SLC24A5: variants seen among roughly 807,000 people sequenced by gnomAD.
SLC24A5 encodes solute carrier family 24 member 5.
Under a neutral mutation model 51.6 loss-of-function variants are expected in SLC24A5, and 46 were observed. That is an observed-to-expected ratio of 0.89 (90% confidence interval 0.70 to 1.14). SLC24A5 has a LOEUF of 1.14. SLC24A5 is among the 50% of genes most tolerant of loss of function. SLC24A5 has a pLI of 0.00. For missense variants in SLC24A5, 581 were observed against 604.1 expected, an observed-to-expected ratio of 0.96 and a Z score of 0.40; for synonymous variants, 230 against 214.9, an observed-to-expected ratio of 1.07 and a Z score of -0.62.
At chr15:48,122,785 G>A (rs911360646) in intron 2 of SLC24A5, 49 of 152,206 alleles carry the variant, frequency 3.2e-4, no homozygotes, top group African/African-American at 1.2e-3. Context: ...TGCCATATGA[G>A]CAAAAGTGTG....
intron 2 of SLC24A5, among the ~76,000 whole-genome samples, chr15:48,133,474 G>A (rs1027304773): frequency 3.3e-5 from 5 of 152,082 alleles, no homozygotes; most frequent in African/African-American, 1.2e-4. Context: ...TAAAGTTTAT[G>A]AACTTGCATG....
chr15:48,134,904 G>T lies in SLC24A5; in HGVS notation c.510G>T (p.Trp170Cys). ...TACAGGTCTCAACACTATCATGTTG[G>T]CCCCTATTCAGAGACTGTGCAGCGT... ...LSNTVSTLSC[W>C]PLFRDCAAYT... The change falls in exon 5 of 9, where the codon TGG becomes TGT. Residue 170 changes from tryptophan (W) to cysteine (C), a missense_variant. Transcript: ENST00000341459. 6.8e-6 allele frequency: 11 copies of T among 1,611,506 alleles called. No individual in the cohort carries two copies. Among genetic ancestry groups the T allele is most frequent in the Non-Finnish European group, 8.5e-6 (10 of 1,178,470 alleles).
intron 2 of SLC24A5, chr15:48,123,384 T>C (rs28675264): frequency 2.7e-4 from 41 of 152,126 alleles, no homozygotes; most frequent in Admixed American, 2.7e-3. Context: ...TACCATTTGG[T>C]ATATTTCCTT....
Position 48,128,434 on chromosome 15 carries a change from C to G in SLC24A5, c.302-5824C>G, listed in dbSNP as rs770523565. Among the ~76,000 whole-genome samples, 4 of 152,140 alleles carry G rather than the reference C, an allele frequency of 2.6e-5. No individual in the cohort carries two copies. In the East Asian group the frequency reaches 7.7e-4, roughly 29 times the overall value. On this transcript the variant is annotated intron_variant, in intron 2 of 8. Coordinates refer to ENST00000341459, the MANE Select transcript of SLC24A5 (RefSeq NM_205850.3). Reference sequence around the variant, plus strand: ...TTTTATTTTAAAAAATTTTCACTTACTCTGCTTTGGACTAATATTTGCTTA... The same window carrying G: ...TTTTATTTTAAAAAATTTTCACTTAGTCTGCTTTGGACTAATATTTGCTTA...
rs1373436891 is a variant in SLC24A5 at position 48,130,726 on chromosome 15, G to C, written c.302-3532G>C. Among the ~76,000 whole-genome samples, 3 of 152,022 alleles carry C rather than the reference G, an allele frequency of 2.0e-5. No individual in the cohort carries two copies. In the East Asian group the frequency reaches 5.8e-4, roughly 29 times the overall value. The stretch of plus-strand genomic sequence containing the variant: ...CAGCACTAAATCTATAAATTCTCTA[G>C]AATGTGCCGGAAAACTTCCAAAGTA... On this transcript the variant is annotated intron_variant, in intron 2 of 8. Transcript: ENST00000341459.
chr15:48,122,820 G>T (rs1354047118), intron 2 of SLC24A5: 1 of 152,128 alleles, frequency 6.6e-6, no homozygotes, highest in Non-Finnish European at 1.5e-5. Context: ...CTCATGTTTG[G>T]TTATTTATTT....
Position 48,135,043 on chromosome 15 carries a change from C to G in SLC24A5, c.590+59C>G, listed in dbSNP as rs1439419467. ...GAGATTTTATGAATTTCTGATGGTT[C>G]AGTAATTTTTTTTCAGAAATGTTAT... On this transcript the variant is annotated intron_variant, in intron 5 of 8. Coordinates refer to ENST00000341459, the MANE Select transcript of SLC24A5 (RefSeq NM_205850.3). 2.9e-6 allele frequency: 4 copies of G among 1,362,050 alleles called. No individual in the cohort carries two copies. In the African/African-American group the frequency reaches 4.3e-5, roughly 15 times the overall value. The allele number at this position is 1,362,050 out of a possible 1,614,324, so 84.4% of individuals were successfully genotyped here. A position where few individuals can be genotyped will look rare whatever the true frequency, so the allele number is the denominator to read the frequency against.
chr15:48,134,198 A>T, intron 2 of SLC24A5, 60 bp from the exon 3 acceptor site: 1 of 1,357,892 alleles, frequency 7.4e-7, no homozygotes, highest in Non-Finnish European at 1.0e-6. Context: ...TATTGTGTTT[A>T]GTTGTAAAGA....
chr15:48,122,155 T>C (rs2038686296), intron 2 of SLC24A5, 119 bp downstream of exon 2: 3 of 1,068,090 alleles, frequency 2.8e-6, no homozygotes, highest in Non-Finnish European at 4.3e-6. Context: ...GAGCACCAGC[T>C]TCTTGTTGTG....
chr15:48,129,022 G>A (rs1230289444), intron 2 of SLC24A5, among the ~76,000 whole-genome samples: 1 of 152,062 alleles, frequency 6.6e-6, no homozygotes, highest in Non-Finnish European at 1.5e-5. Flanking sequence ...TAGGTTTGGA[G>A]GTAAAGTGTC....
At chr15:48,122,265 T>A in intron 2 of SLC24A5, 1 of 593,966 alleles carries the variant, frequency 1.7e-6, no homozygotes, top group Non-Finnish European at 3.0e-6. Flanking sequence ...ATTATTTTTC[T>A]GCCTATTTCC....
intron 2 of SLC24A5, among the ~76,000 whole-genome samples, chr15:48,130,312 C>A (rs28665442): frequency 6.6e-6 from 1 of 152,094 alleles, no homozygotes; most frequent in Non-Finnish European, 1.5e-5. Context: ...CAAAGCCAAT[C>A]TATTCTAAAG....
chr15:48,131,330 T>C (rs1169607002), intron 2 of SLC24A5, among the ~76,000 whole-genome samples: 1 of 151,998 alleles, frequency 6.6e-6, no homozygotes, highest in African/African-American at 2.4e-5. Context: ...GGAAAATAAA[T>C]ACTAGGAAAT....
chr15:48,142,530 A>G lies in SLC24A5; in HGVS notation c.*179A>G. ...TCTGAGCCCTTTCTTTTCATGAAAA[A>G]TTACATATTATAAAACAGAAGTTTG... On this transcript the variant is annotated 3_prime_UTR_variant, in exon 9 of 9. Transcript: ENST00000341459. 1 of 525,190 alleles carries G rather than the reference A, an allele frequency of 1.9e-6. No homozygotes were observed. The highest frequency in any genetic ancestry group is 3.2e-5 in the East Asian group (1 of 31,666). 32.5% of individuals were successfully genotyped at this position (525,190 alleles called of 1,614,324 possible). A position where few individuals can be genotyped will look rare whatever the true frequency, so the allele number is the denominator to read the frequency against.
Position 48,136,868 on chromosome 15 carries a change from G to A in SLC24A5, c.776G>A (p.Arg259His), listed in dbSNP as rs923066036. ...GAAGATGAAGGTCAACCATTCATTC[G>A]TCGGCAATCAAGAACTGATAGTGGA... ...GWEDEGQPFI[R>H]RQSRTDSGIF... Residue 259 changes from arginine (R) to histidine (H), a missense_variant, in exon 6 of 9, where the codon CGT (arginine) becomes CAT (histidine). Physicochemically the swap from Arg to His is conservative, Grantham distance 29 (BLOSUM62 0). Transcript: ENST00000341459. The A allele has an allele frequency of 1.1e-5, 17 of 1,613,676 alleles. No individual in the cohort carries two copies. The African/African-American group carries it at 1.5e-4, about 14-fold the overall frequency.
At chr15:48,132,137 A>G (rs1230108652) in intron 2 of SLC24A5, among the ~76,000 whole-genome samples, 1 of 152,140 alleles carries the variant, frequency 6.6e-6, no homozygotes, top group African/African-American at 2.4e-5. Flanking sequence ...CATTCTAGAC[A>G]TGCAGGTCTT....
chr15:48,137,408 G>T (rs2038928302), intron 6 of SLC24A5: 2 of 153,322 alleles, frequency 1.3e-5, no homozygotes, highest in African/African-American at 4.8e-5. Flanking sequence ...AGGAAGGAAG[G>T]AGAGGAAAGG....
At chr15:48,121,757 C>G in intron 1 of SLC24A5, 100 bp from the exon 2 acceptor site, 1 of 1,217,474 alleles carries the variant, frequency 8.2e-7, no homozygotes, top group Non-Finnish European at 1.2e-6. Context: ...AAAATTCCAC[C>G]CGGTTACCCC....
In SLC24A5 at chr15:48,136,930, A is replaced by C. The variant is rs764396166; in HGVS notation, c.838A>C (p.Ile280Leu). 3.1e-6 allele frequency: 5 copies of C among 1,613,310 alleles called. No homozygotes were observed. Among genetic ancestry groups the C allele is most frequent in the South Asian group, 2.2e-5 (2 of 91,030 alleles). ...AGATTCTGGCTACTCTCAGCTCTCT[A>C]TAAGTTTACATGGCCTTAGTCAGGT... is the stretch of plus-strand genomic sequence containing the variant. The part of the protein sequence containing the change: ...YEDSGYSQLS[I>L]SLHGLSQVSE... The change falls in exon 6 of 9, where the codon ATA (isoleucine) becomes CTA (leucine). Residue 280 changes from isoleucine (I) to leucine (L), a missense_variant. Physicochemically the swap from Ile to Leu is conservative, Grantham distance 5. Coordinates refer to ENST00000341459, the MANE Select transcript of SLC24A5 (RefSeq NM_205850.3).
Sources: gnomAD v4.1 joint callset for allele counts (sites outside exome capture counted in the v4.1 genomes callset) on GRCh38, gnomAD v4.1.1 for gene constraint, MANE v1.5 for transcripts, NCBI Gene and HGNC (gene_info 2026-07-23, HGNC 2026-07-21) for gene names.